CDK12: variants seen among roughly 807,000 people sequenced by gnomAD.
CDK12 encodes cyclin dependent kinase 12.
In CDK12, 17 loss-of-function variants were observed where a neutral mutation model predicts 133.8. That is an observed-to-expected ratio of 0.13 (90% CI 0.09 to 0.19). The LOEUF is 0.19. Among genes scored for constraint, CDK12 ranks in the 10% least tolerant of loss-of-function variants. The probability of loss-of-function intolerance (pLI) is 1.00; values close to 1 mark genes in which losing one functional copy is unlikely to be tolerated. For missense variants in CDK12, 1,508 were observed against 1,818.7 expected (o/e 0.83, Z 3.11); for synonymous variants, 694 against 683.6 (o/e 1.02, Z -0.24).
intron 4 of CDK12, 95 bp downstream of exon 4, chr17:39,492,985 TTTTG>T (rs201614723): frequency 7.6e-4 from 832 of 1,101,260 alleles, no homozygotes; most frequent in African/African-American, 1.8e-3. Context: ...TTCTGAGGTG[TTTTG>T]TTTGTTTGTT....
At chr17:39,464,693 G>T (rs1156401817) in intron 1 of CDK12, among the ~76,000 whole-genome samples, 1 of 151,684 alleles carries the variant, frequency 6.6e-6, no homozygotes, top group African/African-American at 2.4e-5. Flanking sequence ...GCACAGAAAG[G>T]TTGTAGTGAA....
At chr17:39,521,561 C>A (rs929420238) in intron 11 of CDK12, among the ~76,000 whole-genome samples, 1 of 150,730 alleles carries the variant, frequency 6.6e-6, no homozygotes, top group African/African-American at 2.4e-5. Flanking sequence ...CTGCTCCCAG[C>A]CTTTTTTGTT....
upstream of CDK12, chr17:39,544,140 C>T (rs2055556574): frequency 5.8e-5 from 27 of 465,770 alleles, no homozygotes; most frequent in South Asian, 3.5e-4. Context: ...CTAACATCAC[C>T]GTCACTGTTA....
At position 39,534,313 on chromosome 17, in the gene CDK12, A is replaced by G. The variant is rs1025317993; in HGVS notation, c.*2997A>G. 1 of 232,924 alleles carries G rather than the reference A, an allele frequency of 4.3e-6. No homozygotes were observed. The highest frequency in any genetic ancestry group is 8.5e-6 in the Non-Finnish European group (1 of 117,858). The allele number at this position is 232,924 out of a possible 1,614,324, so 14.4% of individuals were successfully genotyped here. A position where few individuals can be genotyped will look rare whatever the true frequency, so the allele number is the denominator to read the frequency against. ...ATATGCATATATAGTTACCGTGCTAAAATGGTTACCAGCAGGTTTTGAGAG... is the reference window on the plus strand; with the variant it reads ...ATATGCATATATAGTTACCGTGCTAGAATGGTTACCAGCAGGTTTTGAGAG... On this transcript the variant is annotated 3_prime_UTR_variant, in exon 14 of 14. Coordinates refer to ENST00000447079, the MANE Select transcript of CDK12 (RefSeq NM_016507.4).
chr17:39,501,551 CTATT>C, intron 6 of CDK12, 112 bp downstream of exon 6: 1 of 661,634 alleles, frequency 1.5e-6, no homozygotes, highest in East Asian at 2.9e-5. Context: ...TATTCACACA[CTATT>C]TAGTGATATT....
intron 10 of CDK12, among the ~76,000 whole-genome samples, chr17:39,517,773 C>T (rs545351677): frequency 1.3e-5 from 2 of 152,240 alleles, no homozygotes; most frequent in East Asian, 3.9e-4. Context: ...TTATTTTGAA[C>T]AATATATAAA....
intron 2 of CDK12, among the ~76,000 whole-genome samples, chr17:39,554,168 C>T (rs917456449): frequency 5.9e-5 from 9 of 152,186 alleles, no homozygotes; most frequent in African/African-American, 2.2e-4. Context: ...TCCCTACCCT[C>T]ACTTGCCTGC....
chr17:39,489,659 AT>A (rs1461800694), intron 2 of CDK12, among the ~76,000 whole-genome samples: 1 of 148,188 alleles, frequency 6.7e-6, no homozygotes, highest in Non-Finnish European at 1.5e-5. Flanking sequence ...TGCCCGGCTA[AT>A]TTTTTGTAGT....
chr17:39,561,038 A>G (rs2056355824), intron 3 of CDK12, among the ~76,000 whole-genome samples: 1 of 152,100 alleles, frequency 6.6e-6, no homozygotes, highest in African/African-American at 2.4e-5. Context: ...AAAAAGCAGC[A>G]GTGTCATGGA....
Position 39,483,762 on chromosome 17 carries a change from C to T in CDK12, c.1932-6795C>T, listed in dbSNP as rs188684948. 2.0e-5 allele frequency among the ~76,000 whole-genome samples: 3 copies of T among 150,752 alleles called. No homozygotes were observed. The East Asian group carries it at 5.8e-4, about 29-fold the overall frequency. ...GAGGCGGATTCTTACTCTCATGATCCGCCTACCTTGGCCTCCCAAAGTGCT... is the reference window on the plus strand; with the variant it reads ...GAGGCGGATTCTTACTCTCATGATCTGCCTACCTTGGCCTCCCAAAGTGCT... On this transcript the variant is annotated intron_variant, in intron 2 of 13. Coordinates refer to ENST00000447079, the MANE Select transcript of CDK12 (RefSeq NM_016507.4).
intron 7 of CDK12, among the ~76,000 whole-genome samples, chr17:39,510,580 G>A (rs2053436490): frequency 7.4e-6 from 1 of 135,928 alleles, no homozygotes; most frequent in African/African-American, 2.5e-5. Flanking sequence ...AATTAGAATG[G>A]AAGTTATTTT....
intron 3 of CDK12, among the ~76,000 whole-genome samples, chr17:39,491,698 T>C (rs1271648929): frequency 1.3e-5 from 2 of 150,804 alleles, no homozygotes; most frequent in East Asian, 3.9e-4. Context: ...AGACTGTTTA[T>C]GTATTTTTTT....
At chr17:39,486,818 C>T (rs1004548034) in intron 2 of CDK12, among the ~76,000 whole-genome samples, 6 of 151,900 alleles carry the variant, frequency 3.9e-5, no homozygotes, top group African/African-American at 7.3e-5. Flanking sequence ...TCCAGCCTGG[C>T]CAATATGGTG....
intron 8 of CDK12, among the ~76,000 whole-genome samples, 168 bp from the exon 9 acceptor site, chr17:39,515,563 G>T (rs1008272266): frequency 5.9e-5 from 9 of 152,116 alleles, no homozygotes; most frequent in Non-Finnish European, 1.2e-4. Flanking sequence ...TCTTTATACT[G>T]TCTGTTTCAC....
At chr17:39,465,365 A>G (rs2049226720) in intron 1 of CDK12, among the ~76,000 whole-genome samples, 1 of 150,510 alleles carries the variant, frequency 6.6e-6, no homozygotes, top group Non-Finnish European at 1.5e-5. Context: ...ACTTCATTCT[A>G]AACACTTTAA....
chr17:39,485,362 A>G, intron 2 of CDK12, among the ~76,000 whole-genome samples: 1 of 144,174 alleles, frequency 6.9e-6, no homozygotes, highest in African/African-American at 2.6e-5. Context: ...AAGCTGGAGG[A>G]TTGCTTCAGG....
chr17:39,509,315 A>C (rs189316476), intron 6 of CDK12, among the ~76,000 whole-genome samples: 55 of 152,318 alleles, frequency 3.6e-4, no homozygotes, highest in Non-Finnish European at 8.8e-5. Flanking sequence ...TTCTCAATCT[A>C]GAGCAAATCA....
At chr17:39,519,574 C>T (rs961341636) in intron 10 of CDK12, among the ~76,000 whole-genome samples, 11 of 151,254 alleles carry the variant, frequency 7.3e-5, no homozygotes, top group Admixed American at 5.9e-4. Context: ...CATGAGCCAC[C>T]ATTGCACATC....
At chr17:39,566,515 C>T (rs1011894653), downstream of CDK12, among the ~76,000 whole-genome samples, 1 of 152,072 alleles carries the variant, frequency 6.6e-6, no homozygotes, top group Non-Finnish European at 1.5e-5. Context: ...CTGCCCCTTT[C>T]GGCAGTCAGC....
Sources: gnomAD v4.1 joint callset for allele counts (sites outside exome capture counted in the v4.1 genomes callset) on GRCh38, gnomAD v4.1.1 for gene constraint, MANE v1.5 for transcripts, NCBI Gene and HGNC (gene_info 2026-07-23, HGNC 2026-07-21) for gene names.